The following ZNF507 variants were observed in gnomAD, a reference collection of about 807,000 sequenced individuals.
ZNF507 encodes the protein zinc finger protein 507.
ZNF507 carries 29 observed loss-of-function variants against 80.0 expected under a neutral mutation model. The observed-to-expected ratio is 0.36, with a 90% CI of 0.27 to 0.49. The LOEUF (loss-of-function observed/expected upper bound fraction) is 0.49, where lower values mean the gene tolerates loss of function less well. ZNF507 is among the 20% of genes least tolerant of loss of function. ZNF507 has a pLI of 0.98. For missense variants in ZNF507, 1,081 were observed against 1,152.2 expected (o/e 0.94, Z 0.90); for synonymous variants, 462 against 422.5 (o/e 1.09, Z -1.15).
intron 3 of ZNF507, among the ~76,000 whole-genome samples, chr19:32,355,477 A>G (rs1273435866): frequency 6.6e-6 from 1 of 152,188 alleles, no homozygotes; most frequent in Non-Finnish European, 1.5e-5. Flanking sequence ...AAATAGAGCC[A>G]TGTGTGTCAT....
intron 4 of ZNF507, 26 bp from the exon 5 acceptor site, chr19:32,360,478 C>G: frequency 7.3e-7 from 1 of 1,375,498 alleles, no homozygotes; most frequent in Non-Finnish European, 9.9e-7. Context: ...AAGCCTGCTA[C>G]TAAAACTCTG....
At chr19:32,364,485 C>T (rs1427179807) in intron 5 of ZNF507, among the ~76,000 whole-genome samples, 2 of 151,918 alleles carry the variant, frequency 1.3e-5, no homozygotes, top group African/African-American at 4.8e-5. Flanking sequence ...CCCTCGCCCT[C>T]CTCCCACTCT....
intron 5 of ZNF507, among the ~76,000 whole-genome samples, chr19:32,362,285 A>T (rs1967339498): frequency 6.6e-6 from 1 of 152,212 alleles, no homozygotes; most frequent in East Asian, 1.9e-4. Flanking sequence ...AGTTTACCTG[A>T]TAGGAGGAGA....
At chr19:32,375,047 CTGAG>C (rs1274608244) in intron 5 of ZNF507, among the ~76,000 whole-genome samples, 1 of 151,844 alleles carries the variant, frequency 6.6e-6, no homozygotes, top group African/African-American at 2.4e-5. Context: ...TAAGTGCCTC[CTGAG>C]TATGGCAGTA....
At chr19:32,380,432 C>G (rs75442717) in intron 5 of ZNF507, among the ~76,000 whole-genome samples, 1,956 of 152,212 alleles carry the variant, frequency 0.013, 51 homozygotes, top group African/African-American at 0.043. Flanking sequence ...GGCCTTGGAC[C>G]TGATTCCTCA....
At chr19:32,363,415 G>A (rs555480563) in intron 5 of ZNF507, among the ~76,000 whole-genome samples, 10 of 152,074 alleles carry the variant, frequency 6.6e-5, no homozygotes, top group African/African-American at 2.2e-4. Flanking sequence ...TTCCTTTCTC[G>A]TGCTTTTGCT....
chr19:32,354,596 C>T lies in ZNF507; in HGVS notation c.1766C>T (p.Thr589Ile). 6.2e-7 allele frequency: 1 copy of T among 1,614,104 alleles called. No individual in the cohort carries two copies. The highest frequency in any genetic ancestry group is 8.5e-7 in the Non-Finnish European group (1 of 1,180,012). The change falls in exon 3 of 7, where the codon ACC becomes ATC. Residue 589 changes from threonine (T) to isoleucine (I), a missense_variant. Physicochemically the swap from Thr to Ile is moderately conservative, Grantham distance 89. Coordinates refer to ENST00000355898, the MANE Select transcript of ZNF507 (RefSeq NM_001136156.2). ...ACAGGCATCAGCATGTCCTTACTCA[C>T]CGTCATTGAAAAATTGAGAGAAAGG... ...VKTGISMSLL[T>I]VIEKLRERTD...
rs745341516 is a variant in ZNF507, at chr19:32,354,721, G to A, written c.1891G>A (p.Val631Met). ...TACAAGTTTGTCCGGAAACAATGTG[G>A]TGGAATACATCCCGAATGCTGAACG... Reference protein sequence around the residue: ...SDTSLSGNNVVEYIPNAERPY... With the variant: ...SDTSLSGNNVMEYIPNAERPY... Residue 631 changes from valine to methionine, a missense_variant, in exon 3 of 7, where the codon GTG becomes ATG. Around this residue, in one of 6 missense-constraint regions of ZNF507, gnomAD observed 614 missense variants for 583.9 expected, o/e 1.05. Transcript: ENST00000355898. The A allele has an allele frequency of 5.6e-6, 9 of 1,614,192 alleles. No homozygotes were observed. The highest frequency in any genetic ancestry group is 1.1e-5 in the South Asian group (1 of 91,082).
At chr19:32,359,823 T>C (rs1279956694) in intron 4 of ZNF507, 7 of 152,208 alleles carry the variant, frequency 4.6e-5, no homozygotes, top group Admixed American at 4.6e-4. Flanking sequence ...TCCTTTCTTG[T>C]TGCGTTGGTA....
intron 5 of ZNF507, among the ~76,000 whole-genome samples, chr19:32,376,667 G>A (rs777917344): frequency 6.6e-6 from 1 of 152,188 alleles, no homozygotes; most frequent in African/African-American, 2.4e-5. Context: ...ACGAGAGATT[G>A]TAGAAATAAA....
intron 2 of ZNF507, among the ~76,000 whole-genome samples, chr19:32,349,751 G>A (rs930977755): frequency 2.6e-5 from 4 of 152,148 alleles, no homozygotes; most frequent in Admixed American, 2.6e-4. Flanking sequence ...TCCCCTCTGT[G>A]TATACTTTAT....
chr19:32,383,335 C>A lies in ZNF507; in HGVS notation c.*252C>A, dbSNP rs1341687109. On this transcript the variant is annotated 3_prime_UTR_variant, in exon 7 of 7. Transcript: ENST00000355898. ...AGTAGAGGTGTAATCCTGTATTAAC[C>A]CTCTGTCACCCCTTCTTAGTGTCGA... 3 of 437,018 alleles carry A rather than the reference C, an allele frequency of 6.9e-6. No homozygotes were observed. The highest frequency in any genetic ancestry group is 2.0e-5 in the African/African-American group (1 of 50,400). The allele number at this position is 437,018 out of a possible 1,614,324, so 27.1% of individuals were successfully genotyped here.
intron 5 of ZNF507, among the ~76,000 whole-genome samples, chr19:32,367,360 A>G (rs568780055): frequency 5.3e-5 from 8 of 152,330 alleles, no homozygotes; most frequent in Admixed American, 3.9e-4. Flanking sequence ...TGAAAGGACA[A>G]ATATCCAAAC....
intron 5 of ZNF507, among the ~76,000 whole-genome samples, chr19:32,381,706 T>A (rs1165237903): frequency 6.6e-6 from 1 of 152,110 alleles, no homozygotes; most frequent in Non-Finnish European, 1.5e-5. Flanking sequence ...TAATAAAAAT[T>A]TATCAATATA....
intron 5 of ZNF507, among the ~76,000 whole-genome samples, chr19:32,365,920 C>T (rs1357406050): frequency 6.6e-6 from 1 of 152,128 alleles, no homozygotes; most frequent in Non-Finnish European, 1.5e-5. Flanking sequence ...CTCAGTTCTT[C>T]CCATCTATAA....
rs1376576792 is a variant in ZNF507, at chr19:32,354,991, C to G, written c.2127+34C>G. 3.3e-6 allele frequency: 5 copies of G among 1,535,606 alleles called. No individual in the cohort carries two copies. In the East Asian group the frequency reaches 1.1e-4, roughly 35 times the overall value. Reference sequence around the variant, plus strand: ...TGGTTCAGGAAGTCTTTCAGAGGACCTTCGCATCTTAGAGTGAGAAGGGAA... The same window carrying G: ...TGGTTCAGGAAGTCTTTCAGAGGACGTTCGCATCTTAGAGTGAGAAGGGAA... On this transcript the variant is annotated intron_variant, in intron 3 of 6. Transcript: ENST00000355898.
chr19:32,380,594 C>G, intron 5 of ZNF507: 1 of 1,535,262 alleles, frequency 6.5e-7, no homozygotes, highest in Non-Finnish European at 8.7e-7. Context: ...CTGACTGTGT[C>G]TCTTATTGGT....
At chr19:32,355,340 A>G (rs768354345) in intron 3 of ZNF507, among the ~76,000 whole-genome samples, 10 of 152,128 alleles carry the variant, frequency 6.6e-5, no homozygotes, top group Non-Finnish European at 1.5e-4. Flanking sequence ...AAAAATACAT[A>G]TTTTTCATCT....
At chr19:32,378,213 C>T (rs775594782) in intron 5 of ZNF507, among the ~76,000 whole-genome samples, 3 of 151,984 alleles carry the variant, frequency 2.0e-5, no homozygotes, top group African/African-American at 7.3e-5. Context: ...ATTAGCCAGG[C>T]GTGGTGGCAC....
Sources: allele counts gnomAD v4.1 joint callset (sites outside exome capture counted in the v4.1 genomes callset), GRCh38; gene constraint gnomAD v4.1.1; regional missense constraint gnomAD v4.1.1; transcripts MANE v1.5; gene names NCBI Gene and HGNC (gene_info 2026-07-23, HGNC 2026-07-21).